The following SUGCT variants were observed in gnomAD, a reference collection of about 807,000 sequenced individuals.
SUGCT encodes succinyl-CoA:glutarate CoA-transferase.
In SUGCT, 41 loss-of-function variants were observed where a neutral mutation model predicts 55.0. The observed-to-expected ratio is 0.74, with a 90% CI of 0.58 to 0.97. The LOEUF (loss-of-function observed/expected upper bound fraction) is 0.97, where lower values mean the gene tolerates loss of function less well. Among genes scored for constraint, SUGCT ranks in the 50% least tolerant of loss-of-function variants. SUGCT has a pLI of 0.00. For synonymous variants in SUGCT, 187 were observed against 200.4 expected (o/e 0.93, Z 0.56); for missense variants, 568 against 547.8 (o/e 1.04, Z -0.37).
the SUGCT span, among the ~76,000 whole-genome samples, chr7:40,968,364 G>A: frequency 6.6e-6 from 1 of 152,200 alleles, no homozygotes; most frequent in Non-Finnish European, 1.5e-5. Flanking sequence ...TCCACTGTGA[G>A]GAGGGCTGCT....
At chr7:40,898,655 CG>C in the SUGCT span, among the ~76,000 whole-genome samples, 2 of 151,672 alleles carry the variant, frequency 1.3e-5, no homozygotes, top group Non-Finnish European at 2.9e-5. Flanking sequence ...ACCGTGGAGG[CG>C]GACCTTGCAG....
chr7:40,898,123 G>C, the SUGCT span, among the ~76,000 whole-genome samples: 5 of 151,996 alleles, frequency 3.3e-5, no homozygotes, highest in African/African-American at 9.7e-5. Flanking sequence ...AGCTTCACTC[G>C]TGAAGCCAGC....
At chr7:40,326,361 T>C (rs1259933005) in intron 9 of SUGCT, among the ~76,000 whole-genome samples, 1 of 152,196 alleles carries the variant, frequency 6.6e-6, no homozygotes, top group Non-Finnish European at 1.5e-5. Context: ...CCTGTTATTA[T>C]TGGTGTGTTG....
At chr7:40,900,722 T>C in the SUGCT span, among the ~76,000 whole-genome samples, 1 of 152,158 alleles carries the variant, frequency 6.6e-6, no homozygotes, top group South Asian at 2.1e-4. Context: ...CGAGGCAGCC[T>C]AGAAGCTGCA....
At chr7:40,340,375 A>T (rs1210800318) in intron 9 of SUGCT, among the ~76,000 whole-genome samples, 19 of 147,020 alleles carry the variant, frequency 1.3e-4, no homozygotes, top group Admixed American at 1.3e-3. Flanking sequence ...GGCCAAAAAT[A>T]AAAAAAAAAC....
intron 11 of SUGCT, among the ~76,000 whole-genome samples, chr7:40,482,101 A>G (rs1413372964): frequency 6.6e-6 from 1 of 152,172 alleles, no homozygotes; most frequent in African/African-American, 2.4e-5. Flanking sequence ...CCAAGAATGG[A>G]TTGTAGTGAA....
intron 9 of SUGCT, among the ~76,000 whole-genome samples, chr7:40,444,135 G>A (rs1209579805): frequency 4.6e-5 from 7 of 151,920 alleles, no homozygotes; most frequent in African/African-American, 9.7e-5. Context: ...GCCTTGTAGT[G>A]TAGTTTGAAG....
chr7:40,350,689 T>C (rs548583016), intron 9 of SUGCT, among the ~76,000 whole-genome samples: 44 of 152,164 alleles, frequency 2.9e-4, no homozygotes, highest in Middle Eastern at 3.4e-3. Context: ...ATATGCAGAA[T>C]GTGTAGGTTT....
intron 12 of SUGCT, among the ~76,000 whole-genome samples, chr7:40,623,783 A>T (rs1799386449): frequency 6.6e-6 from 1 of 152,158 alleles, no homozygotes; most frequent in Non-Finnish European, 1.5e-5. Flanking sequence ...TTGGGATGGC[A>T]TACGAGAGAA....
chr7:40,332,259 GC>G (rs1796351484), intron 9 of SUGCT, among the ~76,000 whole-genome samples: 1 of 152,094 alleles, frequency 6.6e-6, no homozygotes, highest in Non-Finnish European at 1.5e-5. Flanking sequence ...ATCATAAACA[GC>G]CCCATGGTTT....
At chr7:40,490,324 T>C (rs1189799432) in intron 11 of SUGCT, among the ~76,000 whole-genome samples, 1 of 152,182 alleles carries the variant, frequency 6.6e-6, no homozygotes, top group Non-Finnish European at 1.5e-5. Context: ...AACCCTGTGC[T>C]TTGTTTCTAA....
chr7:41,032,194 G>A, the SUGCT span, among the ~76,000 whole-genome samples: 1 of 152,136 alleles, frequency 6.6e-6, no homozygotes, highest in Non-Finnish European at 1.5e-5. Flanking sequence ...GATAGGCCAA[G>A]TGCACATCTC....
rs140208608 is a variant in SUGCT at position 40,825,911 on chromosome 7, C to T, written c.1154-34405C>T. On this transcript the variant is annotated intron_variant, in intron 13 of 13. Transcript: ENST00000335693. ...GTATTTATAAAGGAAAACTAAATCA[C>T]CAAAAAGTTCCAACACTTTATTTAT... Among the ~76,000 whole-genome samples, 142 of 152,248 alleles carry T rather than the reference C, an allele frequency of 9.3e-4. 4 individuals carry two copies. The East Asian group carries it at 0.024, about 26-fold the overall frequency.
chr7:40,334,734 T>A (rs1796578391), intron 9 of SUGCT, among the ~76,000 whole-genome samples: 1 of 152,248 alleles, frequency 6.6e-6, no homozygotes, highest in East Asian at 1.9e-4. Context: ...TTTCTTTTGC[T>A]GCGCGGAAGC....
chr7:40,161,671 A>G (rs930765921), intron 1 of SUGCT, among the ~76,000 whole-genome samples: 1 of 152,114 alleles, frequency 6.6e-6, no homozygotes, highest in Middle Eastern at 3.2e-3. Context: ...GCATTCTTAT[A>G]TTGAATAGTA....
intron 12 of SUGCT, among the ~76,000 whole-genome samples, chr7:40,507,215 C>T (rs573916316): frequency 2.0e-5 from 3 of 152,088 alleles, no homozygotes; most frequent in Non-Finnish European, 4.4e-5. Flanking sequence ...GTTCAAATGA[C>T]GTTAACTTTG....
At chr7:40,487,280 T>G (rs71536686) in intron 11 of SUGCT, among the ~76,000 whole-genome samples, 1 of 131,448 alleles carries the variant, frequency 7.6e-6, no homozygotes, top group Non-Finnish European at 1.6e-5. Context: ...TTTTTTTTTG[T>G]ATTTTTAGTA....
the SUGCT span, among the ~76,000 whole-genome samples, chr7:41,005,433 G>A: frequency 3.9e-5 from 6 of 152,116 alleles, no homozygotes; most frequent in Non-Finnish European, 7.3e-5. Context: ...GAAGAAATGC[G>A]GGTATTCCCC....
the SUGCT span, among the ~76,000 whole-genome samples, chr7:40,998,026 C>G: frequency 6.6e-6 from 1 of 152,116 alleles, no homozygotes; most frequent in Non-Finnish European, 1.5e-5. Context: ...TCAGTGGCCT[C>G]TCTGTAGTTT....
Sources: allele counts gnomAD v4.1 joint callset (sites outside exome capture counted in the v4.1 genomes callset), GRCh38; gene constraint gnomAD v4.1.1; transcripts MANE v1.5; gene names NCBI Gene and HGNC (gene_info 2026-07-23, HGNC 2026-07-21).